XAF1: variants seen among roughly 807,000 people sequenced by gnomAD.
The protein encoded by XAF1 is XIAP associated factor 1.
A neutral mutation model predicts 32.3 loss-of-function variants in XAF1; 32 were observed. The observed-to-expected ratio is 0.99, with a 90% CI of 0.75 to 1.33. XAF1 has a LOEUF of 1.33. Ranked by LOEUF, XAF1 falls within the 40% of genes most tolerant of loss-of-function variation. XAF1 has a pLI of 0.00. For synonymous variants in XAF1, 120 were observed against 125.9 expected (o/e 0.95, Z 0.31); for missense variants, 379 against 366.0 (o/e 1.04, Z -0.29).
At position 6,762,139 on chromosome 17, in the gene XAF1, T is replaced by C. The variant is rs751437955; in HGVS notation, c.422-16T>C. On this transcript the variant is annotated splice_polypyrimidine_tract_variant and intron_variant, in intron 4 of 6. Coordinates refer to ENST00000361842, the MANE Select transcript of XAF1 (RefSeq NM_017523.5). Reference sequence around the variant, plus strand: ...CAAGGACAATCATTTGTGGTGTTGTTTCTCTGCTTATTCAGGGGAAAGAAT... The same window carrying C: ...CAAGGACAATCATTTGTGGTGTTGTCTCTCTGCTTATTCAGGGGAAAGAAT... The C allele has an allele frequency of 6.2e-7, 1 of 1,612,498 alleles. No individual in the cohort carries two copies. Among genetic ancestry groups the C allele is most frequent in the Admixed American group, 1.7e-5 (1 of 59,878 alleles).
At chr17:6,759,789 C>T (rs1366854573) in intron 3 of XAF1, 71 bp downstream of exon 3, 40 of 1,610,834 alleles carry the variant, frequency 2.5e-5, no homozygotes, top group South Asian at 9.9e-5. Context: ...GAAGGGGAAA[C>T]GGGAGGCCAG....
intron 5 of XAF1, 68 bp from the exon 6 acceptor site, chr17:6,770,575 T>C: frequency 7.8e-7 from 1 of 1,279,210 alleles, no homozygotes; most frequent in African/African-American, 1.5e-5. Flanking sequence ...TGTTATCTAG[T>C]CTACTGTATT....
intron 5 of XAF1, among the ~76,000 whole-genome samples, chr17:6,765,699 G>T (rs1023738035): frequency 1.4e-4 from 22 of 152,052 alleles, no homozygotes; most frequent in African/African-American, 5.1e-4. Flanking sequence ...CTTTCCCTCC[G>T]CATTGCTACC....
rs765662208 is a variant in XAF1, at chr17:6,773,115, G to A, written c.852G>A (p.Glu284=). ...LPLPILNQHQ[E]KCRWLASSKG... is the part of the protein sequence containing the mutation. ...CTTTTTTTATATCCATTTCTTAGGA[G>A]AAATGCCGGTGGTTAGCTTCATCAA... The change falls in exon 7 of 7, where the codon GAG becomes GAA. Residue 284 remains glutamate (E), a splice_region_variant and synonymous_variant. Transcript: ENST00000361842. The A allele has an allele frequency of 7.5e-6, 12 of 1,604,586 alleles. No individual in the cohort carries two copies. Among genetic ancestry groups the A allele is most frequent in the Non-Finnish European group, 9.3e-6 (11 of 1,177,306 alleles).
At chr17:6,755,519 G>A (rs1597704413), upstream of XAF1, 4 of 990,172 alleles carry the variant, frequency 4.0e-6, no homozygotes, top group East Asian at 2.2e-4. Flanking sequence ...ACCCCCAGGA[G>A]GATACACACC....
chr17:6,761,086 G>A (rs1274764817), intron 4 of XAF1, among the ~76,000 whole-genome samples: 2 of 152,148 alleles, frequency 1.3e-5, no homozygotes, highest in Admixed American at 6.5e-5. Flanking sequence ...CCCGGTAGGC[G>A]GAGGTTGCAG....
chr17:6,770,606 G>A (rs780539672), intron 5 of XAF1, 37 bp from the exon 6 acceptor site: 2 of 1,503,240 alleles, frequency 1.3e-6, no homozygotes, highest in Non-Finnish European at 1.8e-6. Context: ...TAAAGCTGAA[G>A]TCATTTTAAA....
chr17:6,764,939 A>G (rs568344131), intron 5 of XAF1, among the ~76,000 whole-genome samples: 1 of 152,270 alleles, frequency 6.6e-6, no homozygotes, highest in East Asian at 1.9e-4. Flanking sequence ...CCTCTTCCTC[A>G]GTGGACTTTC....
Position 6,770,752 on chromosome 17 carries a change from T to C in XAF1, c.617T>C (p.Met206Thr), listed in dbSNP as rs1975964370. 2 of 1,613,914 alleles carry C rather than the reference T, an allele frequency of 1.2e-6. No homozygotes were observed. The highest frequency in any genetic ancestry group is 1.7e-5 in the Admixed American group (1 of 59,956). The change falls in exon 6 of 7, where the codon ATG (methionine) becomes ACG (threonine). Residue 206 changes from methionine (M) to threonine (T), a missense_variant. Physicochemically the swap from Met to Thr is moderately conservative, Grantham distance 81 (BLOSUM62 -1). Coordinates refer to ENST00000361842, the MANE Select transcript of XAF1 (RefSeq NM_017523.5). ...SQAAENQTST[M>T]EKDVRPKTRS... ...GCTGCTGAAAATCAAACTTCCACGA[T>C]GGAGAAAGATGTTCGTCCAAAGACA...
chr17:6,758,738 T>C (rs1269089508), intron 2 of XAF1: 2 of 226,478 alleles, frequency 8.8e-6, no homozygotes, highest in Admixed American at 1.3e-4. Context: ...GGTCTGAGAG[T>C]TGGGGGACGA....
At position 6,756,338 on chromosome 17, in the gene XAF1, T is replaced by A; in HGVS notation, c.32+228T>A. The A allele has an allele frequency of 3.7e-6, 5 of 1,338,770 alleles. No homozygotes were observed. In the South Asian group the frequency reaches 7.8e-5, roughly 21 times the overall value. 82.9% of individuals were successfully genotyped at this position (1,338,770 alleles called of 1,614,324 possible). A position where few individuals can be genotyped will look rare whatever the true frequency, so the allele number is the denominator to read the frequency against. ...TTCACTGCAGCCCCTTTCCCCCAAATGTTAGGCTTTCTGGGACAGTTCTGA... is the reference window on the plus strand; with the variant it reads ...TTCACTGCAGCCCCTTTCCCCCAAAAGTTAGGCTTTCTGGGACAGTTCTGA... On this transcript the variant is annotated intron_variant, in intron 1 of 6. Coordinates refer to ENST00000361842, the MANE Select transcript of XAF1 (RefSeq NM_017523.5).
chr17:6,757,266 G>T, intron 1 of XAF1: 1 of 152,384 alleles, frequency 6.6e-6, no homozygotes, highest in South Asian at 2.1e-4. Flanking sequence ...GCCTCCCAAA[G>T]TGCTGGGATT....
At position 6,771,137 on chromosome 17, in the gene XAF1, C is replaced by T. The variant is rs983556106; in HGVS notation, c.849+153C>T. On this transcript the variant is annotated intron_variant, in intron 6 of 6. Transcript: ENST00000361842. Reference sequence around the variant, plus strand: ...CTCTGGGTGCCCAAATGCACTATCTCGTAGCACTTACCACCTGGTTTATTT... The same window carrying T: ...CTCTGGGTGCCCAAATGCACTATCTTGTAGCACTTACCACCTGGTTTATTT... The T allele has an allele frequency of 1.4e-4, 96 of 704,032 alleles. No individual in the cohort carries two copies. In the African/African-American group the frequency reaches 1.5e-3, roughly 11 times the overall value. The allele number at this position is 704,032 out of a possible 1,614,324, so 43.6% of individuals were successfully genotyped here.
chr17:6,765,376 A>G (rs900660092), intron 5 of XAF1, among the ~76,000 whole-genome samples: 1 of 152,122 alleles, frequency 6.6e-6, no homozygotes, highest in Non-Finnish European at 1.5e-5. Flanking sequence ...TCACGCCACT[A>G]CACTGCAGCC....
intron 3 of XAF1, chr17:6,760,020 G>C: frequency 1.8e-6 from 1 of 540,924 alleles, no homozygotes; most frequent in East Asian, 3.3e-5. Flanking sequence ...TCCCTAGGGA[G>C]ATGGGCACAA....
At chr17:6,769,981 G>T (rs1399098811) in intron 5 of XAF1, among the ~76,000 whole-genome samples, 1 of 152,094 alleles carries the variant, frequency 6.6e-6, no homozygotes, top group Non-Finnish European at 1.5e-5. Context: ...CCAGCTTTAT[G>T]CAGGATCAAT....
upstream of XAF1, chr17:6,755,582 T>A: frequency 9.9e-7 from 1 of 1,006,378 alleles, no homozygotes; most frequent in Non-Finnish European, 1.2e-6. Context: ...CCCTGGACGC[T>A]GTTTGCAAGG....
At chr17:6,759,314 T>C (rs1455631120) in intron 2 of XAF1, 8 of 1,238,374 alleles carry the variant, frequency 6.5e-6, no homozygotes, top group Non-Finnish European at 8.1e-6. Flanking sequence ...GCTGTTCTCT[T>C]GAGATCTGTA....
Position 6,770,989 on chromosome 17 carries a change from T to C in XAF1, c.849+5T>C. 6.2e-7 allele frequency: 1 copy of C among 1,614,012 alleles called. No individual in the cohort carries two copies. The highest frequency in any genetic ancestry group is 8.5e-7 in the Non-Finnish European group (1 of 1,179,914). Reference sequence around the variant, plus strand: ...CCGATCCTAAATCAACATCAGGTACTCAGCCTCTGTTCTCTGCTTACCTTT... The same window carrying C: ...CCGATCCTAAATCAACATCAGGTACCCAGCCTCTGTTCTCTGCTTACCTTT... On this transcript the variant is annotated splice_donor_5th_base_variant and intron_variant, in intron 6 of 6. Coordinates refer to ENST00000361842, the MANE Select transcript of XAF1 (RefSeq NM_017523.5).
Sources: gnomAD v4.1 joint callset for allele counts (sites outside exome capture counted in the v4.1 genomes callset) on GRCh38, gnomAD v4.1.1 for gene constraint, MANE v1.5 for transcripts, NCBI Gene and HGNC (gene_info 2026-07-23, HGNC 2026-07-21) for gene names.